Variants in TANC2 observed in about 807,000 individuals in gnomAD.
TANC2 encodes protein TANC2.
A neutral mutation model predicts 210.5 loss-of-function variants in TANC2; 26 were observed. The ratio of observed to expected loss-of-function variants is 0.12; its 90% CI spans 0.09 to 0.17. The LOEUF is 0.17. TANC2 is among the 10% of genes least tolerant of loss of function. TANC2 has a pLI of 1.00. For synonymous variants in TANC2, 931 were observed against 967.1 expected, an observed-to-expected ratio of 0.96 and a Z score of 0.69; for missense variants, 2,129 against 2,608.9, an observed-to-expected ratio of 0.82 and a Z score of 4.01.
chr17:63,250,820 A>G (rs1367511590), intron 8 of TANC2, among the ~76,000 whole-genome samples: 2 of 152,092 alleles, frequency 1.3e-5, no homozygotes, highest in Non-Finnish European at 2.9e-5. Context: ...CCAGGCTGGT[A>G]ATTTATAAGT....
chr17:63,415,644 C>T, exon 26 of TANC2: 2 of 1,613,874 alleles, frequency 1.2e-6, no homozygotes, highest in African/African-American at 1.3e-5. Flanking sequence ...CTCTCCTCCT[C>T]AACCTCTCTC....
chr17:63,076,830 T>A (rs2144680257), intron 3 of TANC2, among the ~76,000 whole-genome samples: 1 of 152,232 alleles, frequency 6.6e-6, no homozygotes, highest in East Asian at 1.9e-4. Context: ...GAGACTAATG[T>A]GCTGAAAGAA....
chr17:62,999,342 C>T (rs1379281797), intron 1 of TANC2, among the ~76,000 whole-genome samples: 4 of 152,170 alleles, frequency 2.6e-5, no homozygotes, highest in Non-Finnish European at 5.9e-5. Flanking sequence ...TGCAGAACTG[C>T]AAGCCAATTA....
intron 2 of TANC2, 40 bp from the exon 3 acceptor site, chr17:63,073,903 T>A (rs1241320286): frequency 6.7e-7 from 1 of 1,499,764 alleles, no homozygotes; most frequent in Non-Finnish European, 9.1e-7. Context: ...TATGTCAATC[T>A]CATTATCTAT....
At chr17:63,068,402 TG>T (rs1228687163) in intron 2 of TANC2, among the ~76,000 whole-genome samples, 1 of 152,172 alleles carries the variant, frequency 6.6e-6, no homozygotes, top group Non-Finnish European at 1.5e-5. Flanking sequence ...GTTGCTCTTA[TG>T]GAGTTTTTGC....
At chr17:63,200,355 CAAAAAA>C (rs10598629) in intron 6 of TANC2, among the ~76,000 whole-genome samples, 2 of 93,812 alleles carry the variant, frequency 2.1e-5, no homozygotes, top group Admixed American at 1.1e-4. Flanking sequence ...AACTCTGTCT[CAAAAAA>C]AAAAAAAAAA....
chr17:63,221,714 T>C (rs759413232), intron 7 of TANC2, among the ~76,000 whole-genome samples: 28 of 152,236 alleles, frequency 1.8e-4, no homozygotes, highest in Non-Finnish European at 3.4e-4. Flanking sequence ...TGGATATCAC[T>C]GTATACCTAG....
chr17:63,373,194 G>A (rs1251316975), intron 14 of TANC2, among the ~76,000 whole-genome samples: 1 of 151,942 alleles, frequency 6.6e-6, no homozygotes, highest in Admixed American at 6.6e-5. Flanking sequence ...CTGTGCCTTG[G>A]CCTCATCATC....
chr17:63,351,275 C>G (rs1167087436), exon 13 of TANC2: 1 of 1,606,956 alleles, frequency 6.2e-7, no homozygotes, highest in South Asian at 1.1e-5. Flanking sequence ...ATGAAGATTT[C>G]ATCATTTTAA....
intron 9 of TANC2, among the ~76,000 whole-genome samples, chr17:63,272,580 A>G (rs1410242045): frequency 6.6e-6 from 1 of 152,186 alleles, no homozygotes; most frequent in South Asian, 2.1e-4. Context: ...GATTCTTCCT[A>G]TTCATGAGCA....
chr17:63,267,420 G>A (rs1459160276), intron 8 of TANC2, among the ~76,000 whole-genome samples: 1 of 151,982 alleles, frequency 6.6e-6, no homozygotes, highest in African/African-American at 2.4e-5. Context: ...TATGAAGTAA[G>A]GGTTTATGTT....
rs531029510 is a variant in TANC2, at chr17:63,160,729, A to AT, written c.433+9352dup. Among the ~76,000 whole-genome samples the AT allele has an allele frequency of 1.9e-3, 284 of 152,250 alleles. 1 individual carries two copies. Among genetic ancestry groups the AT allele is most frequent in the African/African-American group, 6.6e-3 (273 of 41,556 alleles). ...AAATCTTAAATCTTTATATTACTAGATTTCCCTCTGGTACATTTCTTCCAG... is the reference window on the plus strand; with the variant it reads ...AAATCTTAAATCTTTATATTACTAGATTTTCCCTCTGGTACATTTCTTCCAG... On this transcript the variant is annotated intron_variant, in intron 5 of 27. Transcript: ENST00000689528.
At chr17:63,106,629 T>G (rs1399135558) in intron 4 of TANC2, among the ~76,000 whole-genome samples, 1 of 151,680 alleles carries the variant, frequency 6.6e-6, no homozygotes. Flanking sequence ...CAGAGGAACC[T>G]GACTAAAGTT....
At chr17:63,123,539 A>G (rs2038571204) in intron 4 of TANC2, among the ~76,000 whole-genome samples, 1 of 150,334 alleles carries the variant, frequency 6.7e-6, no homozygotes, top group South Asian at 2.1e-4. Flanking sequence ...AGCCTGGGCG[A>G]CAAGGTGAGA....
At chr17:63,121,684 A>G (rs1178678084) in intron 4 of TANC2, among the ~76,000 whole-genome samples, 2 of 152,210 alleles carry the variant, frequency 1.3e-5, no homozygotes, top group African/African-American at 4.8e-5. Context: ...CTTCAGGAAA[A>G]TATACTACAT....
intron 9 of TANC2, among the ~76,000 whole-genome samples, chr17:63,285,393 G>A (rs2044190246): frequency 6.6e-6 from 1 of 151,932 alleles, no homozygotes; most frequent in Non-Finnish European, 1.5e-5. Context: ...TTTGTTCACT[G>A]TATCATGTAT....
At chr17:63,177,264 C>CAAAAAAA (rs755034454) in intron 5 of TANC2, among the ~76,000 whole-genome samples, 1 of 73,266 alleles carries the variant, frequency 1.4e-5, no homozygotes, top group African/African-American at 5.4e-5. Flanking sequence ...GACTCTGTCT[C>CAAAAAAA]AAAAAAAAAA....
At chr17:63,051,452 A>C (rs575560427) in intron 2 of TANC2, among the ~76,000 whole-genome samples, 121 of 152,272 alleles carry the variant, frequency 7.9e-4, no homozygotes, top group African/African-American at 2.7e-3. Flanking sequence ...TGATTTATTT[A>C]GTTAATTTGT....
intron 2 of TANC2, among the ~76,000 whole-genome samples, chr17:63,068,683 T>C (rs762840548): frequency 3.3e-5 from 5 of 152,188 alleles, no homozygotes; most frequent in Non-Finnish European, 5.9e-5. Flanking sequence ...CTGGATGATA[T>C]AGTTTCATTA....
Sources: gnomAD v4.1 joint callset for allele counts (sites outside exome capture counted in the v4.1 genomes callset) on GRCh38, gnomAD v4.1.1 for gene constraint, MANE v1.5 for transcripts, NCBI Gene and HGNC (gene_info 2026-07-23, HGNC 2026-07-21) for gene names.